The following GNAQ variants were observed in gnomAD, a reference collection of about 807,000 sequenced individuals.
GNAQ encodes the protein guanine nucleotide-binding protein G(q) subunit alpha.
In GNAQ, 8 loss-of-function variants were observed where a neutral mutation model predicts 43.9. The observed-to-expected ratio is 0.18, with a 90% confidence interval of 0.11 to 0.33. The LOEUF is 0.33. Ranked by LOEUF, GNAQ falls within the 10% of genes least tolerant of loss-of-function variation. The pLI is 1.00. For synonymous variants in GNAQ, 155 were observed against 170.7 expected, an observed-to-expected ratio of 0.91 and a Z score of 0.71; for missense variants, 158 against 450.8, an observed-to-expected ratio of 0.35 and a Z score of 5.88.
chr9:77,859,300 G>A (rs1827807654), intron 2 of GNAQ, among the ~76,000 whole-genome samples: 1 of 152,152 alleles, frequency 6.6e-6, no homozygotes, highest in Admixed American at 6.5e-5. Context: ...TATTCTTACA[G>A]TACATTTAGA....
chr9:77,968,995 A>AAG (rs1185393025), intron 1 of GNAQ, among the ~76,000 whole-genome samples: 2 of 152,236 alleles, frequency 1.3e-5, no homozygotes, highest in Admixed American at 1.3e-4. Context: ...TGGCGGAGCC[A>AAG]AGAGCTTACT....
chr9:77,995,946 G>A (rs1466187443), intron 1 of GNAQ, among the ~76,000 whole-genome samples: 1 of 152,144 alleles, frequency 6.6e-6, no homozygotes, highest in Admixed American at 6.5e-5. Flanking sequence ...AATACACAAA[G>A]CCAAGTCTTT....
chr9:77,918,170 G>T (rs1405502746), intron 2 of GNAQ, among the ~76,000 whole-genome samples: 8 of 152,142 alleles, frequency 5.3e-5, no homozygotes, highest in Admixed American at 3.3e-4. Context: ...TCCCAGTTCA[G>T]AAGAGCTCAT....
chr9:77,743,274 C>T (rs1273649609), intron 5 of GNAQ, among the ~76,000 whole-genome samples: 1 of 151,180 alleles, frequency 6.6e-6, no homozygotes, highest in Non-Finnish European at 1.5e-5. Flanking sequence ...AAACAAAAAA[C>T]AAACAAACAA....
intron 1 of GNAQ, among the ~76,000 whole-genome samples, chr9:77,995,870 A>G (rs1823561044): frequency 2.0e-5 from 3 of 152,218 alleles, no homozygotes; most frequent in Admixed American, 1.3e-4. Flanking sequence ...TCATAAAATG[A>G]AAATTTGTTT....
chr9:77,831,536 G>A (rs1263520681), intron 2 of GNAQ, among the ~76,000 whole-genome samples: 1 of 152,150 alleles, frequency 6.6e-6, no homozygotes, highest in Non-Finnish European at 1.5e-5. Context: ...AAAAGCCTCT[G>A]TTAAATATAA....
intron 2 of GNAQ, among the ~76,000 whole-genome samples, chr9:77,839,925 T>C (rs908283993): frequency 4.6e-5 from 7 of 152,350 alleles, no homozygotes; most frequent in Non-Finnish European, 7.4e-5. Flanking sequence ...CTTTGTTTCT[T>C]AACACTTCTG....
In GNAQ at chr9:77,815,786, A is replaced by T. The variant is rs750562246; in HGVS notation, c.322-16T>A. On this transcript the variant is annotated splice_polypyrimidine_tract_variant and intron_variant, in intron 2 of 6. Coordinates refer to ENST00000286548, the MANE Select transcript of GNAQ (RefSeq NM_002072.5). ...GTGCATGAGCCTGTTTAAATAAAAA[A>T]AGGCAGTTTTAATACCCTATTACTT... 1 of 1,601,302 alleles carries T rather than the reference A, an allele frequency of 6.2e-7. No individual in the cohort carries two copies. Among genetic ancestry groups the T allele is most frequent in the Admixed American group, 1.7e-5 (1 of 58,522 alleles).
At chr9:77,973,539 G>A (rs941963085) in intron 1 of GNAQ, among the ~76,000 whole-genome samples, 8 of 152,086 alleles carry the variant, frequency 5.3e-5, no homozygotes, top group Non-Finnish European at 8.8e-5. Flanking sequence ...AGCAATGGCC[G>A]GGTGCAGTGG....
Position 77,716,335 on chromosome 9 carries a change from T to C in GNAQ, c.*4988A>G, listed in dbSNP as rs1825226983. On this transcript the variant is annotated 3_prime_UTR_variant, in exon 7 of 7. Coordinates refer to ENST00000286548, the MANE Select transcript of GNAQ (RefSeq NM_002072.5). ...TCATTGGGGCATTATTATACAACAT[T>C]AGGTGTTTTTTGCAAAACTAGTTCC... 3 of 232,316 alleles carry C rather than the reference T, an allele frequency of 1.3e-5. No individual in the cohort carries two copies. Among genetic ancestry groups the C allele is most frequent in the Non-Finnish European group, 2.6e-5 (3 of 117,568 alleles). The allele number at this position is 232,316 out of a possible 1,614,324, so 14.4% of individuals were successfully genotyped here. A position where few individuals can be genotyped will look rare whatever the true frequency, so the allele number is the denominator to read the frequency against.
At chr9:77,853,496 A>G (rs1428966868) in intron 2 of GNAQ, among the ~76,000 whole-genome samples, 2 of 152,124 alleles carry the variant, frequency 1.3e-5, no homozygotes, top group Admixed American at 6.5e-5. Flanking sequence ...TTATTTCCAA[A>G]ACCATTCACT....
intron 1 of GNAQ, among the ~76,000 whole-genome samples, chr9:77,946,453 C>A (rs1344230969): frequency 1.3e-5 from 2 of 151,994 alleles, no homozygotes; most frequent in Non-Finnish European, 2.9e-5. Context: ...CCAAAAACCC[C>A]AAAAACACCC....
At chr9:77,760,287 G>T (rs1027253626) in intron 5 of GNAQ, among the ~76,000 whole-genome samples, 5 of 151,216 alleles carry the variant, frequency 3.3e-5, no homozygotes, top group Admixed American at 6.6e-5. Flanking sequence ...CTGCCATCTC[G>T]GCTCACTGCA....
chr9:77,873,834 G>A (rs1222476755), intron 2 of GNAQ, among the ~76,000 whole-genome samples: 2 of 152,170 alleles, frequency 1.3e-5, no homozygotes, highest in African/African-American at 4.8e-5. Flanking sequence ...TGCCGGGCGC[G>A]GTGGCTCATG....
chr9:77,922,442 G>T, intron 1 of GNAQ, 97 bp from the exon 2 acceptor site: 82 of 787,928 alleles, frequency 1.0e-4, no homozygotes, highest in Middle Eastern at 2.5e-4. Flanking sequence ...AACATCCCCA[G>T]ATAGCCTGCT....
rs556141197 is a variant in GNAQ at position 77,953,209 on chromosome 9, AG to A, written c.137-30865del. 3.3e-5 allele frequency among the ~76,000 whole-genome samples: 5 copies of A among 152,290 alleles called. No individual in the cohort carries two copies. In the South Asian group the frequency reaches 1.0e-3, roughly 32 times the overall value. ...GGGAGTTACACCCAGCCTATCTGAA[AG>A]GTGCCCTCAGCATAGCCCATCCCAG... On this transcript the variant is annotated intron_variant, in intron 1 of 6. Transcript: ENST00000286548.
chr9:77,823,040 T>C lies in GNAQ; in HGVS notation c.322-7270A>G, dbSNP rs973049059. ...CTGCAAGCTCCGCCTCCCGGGTTCA[T>C]GCCATTCTCCTGCCTCAGCCTCCTG... On this transcript the variant is annotated intron_variant, in intron 2 of 6. Transcript: ENST00000286548. Among the ~76,000 whole-genome samples, 5 of 151,920 alleles carry C rather than the reference T, an allele frequency of 3.3e-5. No homozygotes were observed. In the East Asian group the frequency reaches 9.8e-4, roughly 30 times the overall value.
At chr9:77,831,059 T>C (rs1827290226) in intron 2 of GNAQ, among the ~76,000 whole-genome samples, 1 of 152,196 alleles carries the variant, frequency 6.6e-6, no homozygotes, top group Non-Finnish European at 1.5e-5. Flanking sequence ...TGAATAAGAT[T>C]GAGAAAGAAT....
intron 5 of GNAQ, among the ~76,000 whole-genome samples, chr9:77,764,066 A>G (rs1034081678): frequency 6.6e-6 from 1 of 152,236 alleles, no homozygotes; most frequent in Non-Finnish European, 1.5e-5. Flanking sequence ...ATCCCTTGCC[A>G]TGAGAAAAGG....
Sources: gnomAD v4.1 joint callset for allele counts (sites outside exome capture counted in the v4.1 genomes callset) on GRCh38, gnomAD v4.1.1 for gene constraint, MANE v1.5 for transcripts, NCBI Gene and HGNC (gene_info 2026-07-23, HGNC 2026-07-21) for gene names.